Variants in EIF4G3 observed in about 807,000 individuals in gnomAD.
The protein encoded by EIF4G3 is eIF-4-gamma 3.
In EIF4G3, 34 loss-of-function variants were observed where a neutral mutation model predicts 186.4. The ratio of observed to expected loss-of-function variants is 0.18; its 90% confidence interval spans 0.14 to 0.24. EIF4G3 has a LOEUF of 0.24. EIF4G3 is among the 10% of genes least tolerant of loss of function. EIF4G3 has a pLI of 1.00. For synonymous variants in EIF4G3, 673 were observed against 679.5 expected, an observed-to-expected ratio of 0.99 and a Z score of 0.15; for missense variants, 1,536 against 1,948.5, an observed-to-expected ratio of 0.79 and a Z score of 3.99.
intron 12 of EIF4G3, among the ~76,000 whole-genome samples, chr1:20,952,478 C>T (rs542707100): frequency 1.3e-5 from 2 of 152,084 alleles, no homozygotes; most frequent in Non-Finnish European, 2.9e-5. Flanking sequence ...TAGTCTTGTT[C>T]AGAATTAGTT....
At chr1:21,061,010 A>G (rs909667747) in intron 3 of EIF4G3, among the ~76,000 whole-genome samples, 2 of 152,176 alleles carry the variant, frequency 1.3e-5, no homozygotes, top group Non-Finnish European at 2.9e-5. Context: ...AAATCCCTGC[A>G]TTCCTGGAGT....
chr1:20,810,710 G>A lies in EIF4G3; in HGVS notation c.4744+28C>T, dbSNP rs1406722517. 3.7e-6 allele frequency: 6 copies of A among 1,608,266 alleles called. No individual in the cohort carries two copies. In the South Asian group the frequency reaches 5.5e-5, roughly 15 times the overall value. ...TTGGATAAATCTCACTCATTGGTTA[G>A]ATTAACTGTAACATGAGATAAACTT... is the stretch of plus-strand genomic sequence containing the variant. On this transcript the variant is annotated intron_variant, in intron 36 of 36. Coordinates refer to ENST00000602326, the MANE Select transcript of EIF4G3 (RefSeq NM_001391906.1). This position sits in a 1 kb window ranked among gnomAD's most constrained non-coding sequence, Gnocchi z 4.1.
chr1:20,991,845 C>T (rs1017518334), intron 7 of EIF4G3, among the ~76,000 whole-genome samples: 4 of 152,158 alleles, frequency 2.6e-5, no homozygotes, highest in African/African-American at 7.2e-5. Context: ...AGGGGAAAGG[C>T]AGGTAGTCTC....
chr1:20,897,894 A>G (rs1332663215), intron 16 of EIF4G3, among the ~76,000 whole-genome samples: 2 of 151,838 alleles, frequency 1.3e-5, no homozygotes, highest in African/African-American at 4.8e-5. Context: ...ATAAAATATA[A>G]GTAACATAAA....
At chr1:20,971,837 T>C (rs1413869521) in intron 11 of EIF4G3, among the ~76,000 whole-genome samples, 1 of 152,234 alleles carries the variant, frequency 6.6e-6, no homozygotes, top group Non-Finnish European at 1.5e-5. Flanking sequence ...TTTCGCCATG[T>C]TGGCCAGGTT....
chr1:21,014,109 C>T (rs1255568477), intron 4 of EIF4G3, among the ~76,000 whole-genome samples: 1 of 152,128 alleles, frequency 6.6e-6, no homozygotes, highest in Non-Finnish European at 1.5e-5. Flanking sequence ...GTGGAGGCTG[C>T]AGTGAGCCGA....
rs1374087992 is a variant in EIF4G3, at chr1:21,066,608, C to T, written c.-195-15614G>A. ...CACAATTTCTTGCCTACAGAATTCC[C>T]GACAGCCAGATGTGCTTTTAAAAGA... On this transcript the variant is annotated intron_variant, in intron 3 of 36. Transcript: ENST00000602326. Among the ~76,000 whole-genome samples, 7 of 152,074 alleles carry T rather than the reference C, an allele frequency of 4.6e-5. No homozygotes were observed. The East Asian group carries it at 1.2e-3, about 25-fold the overall frequency.
chr1:20,874,762 A>C (rs1386177057), intron 20 of EIF4G3, among the ~76,000 whole-genome samples: 1 of 152,124 alleles, frequency 6.6e-6, no homozygotes, highest in Non-Finnish European at 1.5e-5. Context: ...GAATTTTGCT[A>C]AAGAAATCTT....
intron 31 of EIF4G3, 47 bp from the exon 32 acceptor site, chr1:20,827,745 T>A: frequency 7.5e-7 from 1 of 1,340,506 alleles, no homozygotes; most frequent in Non-Finnish European, 1.1e-6. Context: ...AGAAATCCTT[T>A]CTTCTAGAAC....
At chr1:20,982,463 G>T (rs1278633014) in intron 7 of EIF4G3, 55 bp from the exon 8 acceptor site, 33 of 1,447,598 alleles carry the variant, frequency 2.3e-5, no homozygotes, top group Non-Finnish European at 3.0e-5. Context: ...CAATGGAAAA[G>T]CTTACAGATC....
chr1:21,131,911 G>A (rs1558111231), intron 2 of EIF4G3, among the ~76,000 whole-genome samples: 1 of 151,936 alleles, frequency 6.6e-6, no homozygotes, highest in Non-Finnish European at 1.5e-5. Context: ...GGTCAAGGCT[G>A]TAGTAAGCCA....
chr1:20,845,163 T>C (rs911147577), intron 29 of EIF4G3, among the ~76,000 whole-genome samples: 2 of 152,198 alleles, frequency 1.3e-5, no homozygotes, highest in African/African-American at 4.8e-5. Context: ...CCAGTTTCAA[T>C]TTTCCGCTTA....
At chr1:21,101,582 A>C (rs1284760176) in intron 2 of EIF4G3, among the ~76,000 whole-genome samples, 12 of 147,156 alleles carry the variant, frequency 8.2e-5, no homozygotes, top group Admixed American at 6.9e-4. Context: ...AAAACAACAA[A>C]AAAAAACCGA....
intron 20 of EIF4G3, among the ~76,000 whole-genome samples, chr1:20,868,171 G>A (rs2078113533): frequency 7.0e-6 from 1 of 143,362 alleles, no homozygotes; most frequent in African/African-American, 2.6e-5. Flanking sequence ...TGGACACTGG[G>A]TGGTCAAGAG....
chr1:21,040,478 C>G (rs960361545), intron 4 of EIF4G3, among the ~76,000 whole-genome samples: 1 of 152,076 alleles, frequency 6.6e-6, no homozygotes, highest in African/African-American at 2.4e-5. Context: ...TTATCAAACC[C>G]AAAGAGGGGA....
chr1:20,845,506 C>A (rs545908921), intron 29 of EIF4G3, among the ~76,000 whole-genome samples: 1 of 151,874 alleles, frequency 6.6e-6, no homozygotes, highest in African/African-American at 2.4e-5. Flanking sequence ...ACTAAAAGTA[C>A]AAAAAATTAG....
chr1:20,899,009 C>T (rs757633251), intron 16 of EIF4G3, among the ~76,000 whole-genome samples: 38 of 152,136 alleles, frequency 2.5e-4, no homozygotes, highest in Non-Finnish European at 3.4e-4. Context: ...GGATTACAGG[C>T]GTGAGCCACC....
chr1:21,089,096 C>A (rs1189113031), intron 3 of EIF4G3, 42 bp downstream of exon 3: 1 of 704,274 alleles, frequency 1.4e-6, no homozygotes, highest in Admixed American at 2.2e-5. Flanking sequence ...AGGATTCACA[C>A]ACAAAAGCAC....
At chr1:21,109,516 G>A (rs1163320601) in intron 2 of EIF4G3, among the ~76,000 whole-genome samples, 1 of 151,926 alleles carries the variant, frequency 6.6e-6, no homozygotes, top group Non-Finnish European at 1.5e-5. Flanking sequence ...ACAACAACAA[G>A]AAGAAAAAGA....
Sources: gnomAD v4.1 joint callset for allele counts (sites outside exome capture counted in the v4.1 genomes callset) on GRCh38, gnomAD v4.1.1 for gene constraint, Gnocchi (gnomAD v3.1) non-coding constraint, MANE v1.5 for transcripts, NCBI Gene and HGNC (gene_info 2026-07-23, HGNC 2026-07-21) for gene names.